The following GRIA4 variants were observed in gnomAD, a reference collection of about 807,000 sequenced individuals.
GRIA4 encodes the protein glutamate receptor 4.
In GRIA4, 34 loss-of-function variants were observed where a neutral mutation model predicts 104.0. That is an observed-to-expected ratio of 0.33 (90% CI 0.25 to 0.44). The LOEUF is 0.44. Ranked by LOEUF, GRIA4 falls within the 20% of genes least tolerant of loss-of-function variation. The pLI is 1.00. For synonymous variants in GRIA4, 386 were observed against 381.9 expected (o/e 1.01, Z -0.13); for missense variants, 750 against 1,096.5 (o/e 0.68, Z 4.46).
At chr11:105,792,907 C>T (rs1451982282) in intron 4 of GRIA4, among the ~76,000 whole-genome samples, 1 of 75,570 alleles carries the variant, frequency 1.3e-5, no homozygotes, top group Non-Finnish European at 2.6e-5. Flanking sequence ...AGAGTTTGTC[C>T]AACATACAAG....
At chr11:105,791,319 C>T (rs1938967) in intron 4 of GRIA4, among the ~76,000 whole-genome samples, 81,634 of 151,934 alleles carry the variant, frequency 0.54, 22,103 homozygotes, top group Middle Eastern at 0.62. Context: ...CATTTATATT[C>T]ATATCAATAC....
At chr11:105,812,451 T>A (rs1943213933) in intron 4 of GRIA4, among the ~76,000 whole-genome samples, 1 of 152,232 alleles carries the variant, frequency 6.6e-6, no homozygotes, top group African/African-American at 2.4e-5. Context: ...CACCTTGATT[T>A]GAGTCCCTTT....
At chr11:105,823,393 A>G (rs1324617768) in intron 4 of GRIA4, among the ~76,000 whole-genome samples, 1 of 152,150 alleles carries the variant, frequency 6.6e-6, no homozygotes, top group African/African-American at 2.4e-5. Context: ...GGAAAAAAAC[A>G]TAAGGTAATA....
At chr11:105,908,071 A>G (rs1320152112) in intron 9 of GRIA4, among the ~76,000 whole-genome samples, 1 of 152,132 alleles carries the variant, frequency 6.6e-6, no homozygotes, top group Non-Finnish European at 1.5e-5. Context: ...CAGCTCTCCA[A>G]GGAACCAACT....
chr11:105,947,123 T>C (rs1197562938), intron 14 of GRIA4, among the ~76,000 whole-genome samples: 6 of 152,188 alleles, frequency 3.9e-5, no homozygotes, highest in African/African-American at 1.4e-4. Context: ...CAAAACATAA[T>C]ATCTATTTAT....
At chr11:105,876,563 G>A (rs1945829671) in intron 5 of GRIA4, among the ~76,000 whole-genome samples, 1 of 152,146 alleles carries the variant, frequency 6.6e-6, no homozygotes, top group African/African-American at 2.4e-5. Context: ...TTCTTTGTAG[G>A]TCTCTAAGAA....
intron 4 of GRIA4, among the ~76,000 whole-genome samples, chr11:105,837,760 T>A (rs148167728): frequency 6.6e-6 from 1 of 152,290 alleles, no homozygotes; most frequent in East Asian, 1.9e-4. Context: ...AAAATTCTAT[T>A]ATTATATTTA....
intron 6 of GRIA4, among the ~76,000 whole-genome samples, chr11:105,887,972 C>A (rs1946325539): frequency 6.6e-6 from 1 of 152,092 alleles, no homozygotes; most frequent in Non-Finnish European, 1.5e-5. Context: ...GCTATATAAG[C>A]AAATCTTTTA....
At chr11:105,740,638 A>C (rs937844745) in intron 3 of GRIA4, among the ~76,000 whole-genome samples, 3 of 152,212 alleles carry the variant, frequency 2.0e-5, no homozygotes, top group East Asian at 3.9e-4. Flanking sequence ...AAATAACTGT[A>C]GTAAGGAATG....
At chr11:105,721,819 T>C (rs1386169669) in intron 3 of GRIA4, among the ~76,000 whole-genome samples, 2 of 152,124 alleles carry the variant, frequency 1.3e-5, no homozygotes, top group Non-Finnish European at 2.9e-5. Flanking sequence ...TTCCATGGCC[T>C]GTGATTGGAC....
At chr11:105,843,251 C>A (rs1944460220) in intron 4 of GRIA4, among the ~76,000 whole-genome samples, 1 of 152,132 alleles carries the variant, frequency 6.6e-6, no homozygotes, top group South Asian at 2.1e-4. Context: ...TGCTTTGATT[C>A]AACATGGATT....
chr11:105,665,911 C>G (rs898334732), intron 3 of GRIA4, among the ~76,000 whole-genome samples: 1 of 151,998 alleles, frequency 6.6e-6, no homozygotes, highest in African/African-American at 2.4e-5. Flanking sequence ...TACTTGCTTG[C>G]TTGCTTGCAT....
chr11:105,754,594 A>G (rs1565519776), intron 4 of GRIA4, among the ~76,000 whole-genome samples: 1 of 152,164 alleles, frequency 6.6e-6, no homozygotes, highest in Non-Finnish European at 1.5e-5. Context: ...AACAATCCAT[A>G]CATTTTGTTC....
At chr11:105,902,418 C>T (rs1180838356) in intron 7 of GRIA4, among the ~76,000 whole-genome samples, 3 of 151,738 alleles carry the variant, frequency 2.0e-5, no homozygotes, top group Admixed American at 2.0e-4. Context: ...GTACCCTTGA[C>T]CTCCTGGGCT....
chr11:105,677,955 C>G (rs899061418), intron 3 of GRIA4, among the ~76,000 whole-genome samples: 20 of 151,976 alleles, frequency 1.3e-4, no homozygotes, highest in African/African-American at 4.8e-4. Flanking sequence ...TTCCCATAAG[C>G]CTGTCTATAA....
At chr11:105,743,054 T>C (rs912819782) in intron 3 of GRIA4, among the ~76,000 whole-genome samples, 1 of 152,134 alleles carries the variant, frequency 6.6e-6, no homozygotes, top group African/African-American at 2.4e-5. Flanking sequence ...GTGCCTAAAC[T>C]GGGTGCGCAT....
chr11:105,922,141 TA>T (rs1204910099), intron 11 of GRIA4, among the ~76,000 whole-genome samples: 1 of 151,960 alleles, frequency 6.6e-6, no homozygotes, highest in Non-Finnish European at 1.5e-5. Flanking sequence ...AATTAGGAAG[TA>T]AAAAAATGAA....
chr11:105,735,024 C>T (rs1419702990), intron 3 of GRIA4, among the ~76,000 whole-genome samples: 1 of 152,144 alleles, frequency 6.6e-6, no homozygotes, highest in Non-Finnish European at 1.5e-5. Flanking sequence ...CGCATATTCT[C>T]AAAATCATGT....
chr11:105,926,744 C>G lies in GRIA4; in HGVS notation c.1851C>G (p.Ser617=). Residue 617 remains serine, a synonymous_variant, in exon 13 of 17, where the codon TCC becomes TCG. Transcript: ENST00000282499. ...GCATTATTTTATCCATGTTTAGATCCCTCTCAGGTCGAATTGTTGGAGGTG... is the reference window on the plus strand; with the variant it reads ...GCATTATTTTATCCATGTTTAGATCGCTCTCAGGTCGAATTGTTGGAGGTG... ...MQQGCDISPR[S]LSGRIVGGVW... The G allele has an allele frequency of 6.3e-7, 1 of 1,588,006 alleles. No homozygotes were observed. Among genetic ancestry groups the G allele is most frequent in the Non-Finnish European group, 8.6e-7 (1 of 1,156,858 alleles).
Sources: allele counts gnomAD v4.1 joint callset (sites outside exome capture counted in the v4.1 genomes callset), GRCh38; gene constraint gnomAD v4.1.1; transcripts MANE v1.5; gene names NCBI Gene and HGNC (gene_info 2026-07-23, HGNC 2026-07-21).